The following SLC14A2 variants were observed in gnomAD, a reference collection of about 807,000 sequenced individuals.
SLC14A2 encodes solute carrier family 14 member 2.
Under a neutral mutation model 104.6 loss-of-function variants are expected in SLC14A2, and 91 were observed. The ratio of observed to expected loss-of-function variants is 0.87; its 90% CI spans 0.73 to 1.04. The LOEUF (loss-of-function observed/expected upper bound fraction) is 1.04. Ranked by LOEUF, SLC14A2 falls within the 50% of genes least tolerant of loss-of-function variation. SLC14A2 has a pLI of 0.00. For missense variants in SLC14A2, 1,189 were observed against 1,156.0 expected (o/e 1.03, Z -0.41); for synonymous variants, 476 against 466.4 (o/e 1.02, Z -0.27).
intron 2 of SLC14A2, among the ~76,000 whole-genome samples, chr18:45,501,761 G>A (rs527739233): frequency 6.6e-5 from 10 of 152,328 alleles, no homozygotes; most frequent in Admixed American, 2.0e-4. Flanking sequence ...CCGGATCAGA[G>A]TGGTCCCAGA....
At chr18:45,402,998 T>C (rs985405241) in intron 1 of SLC14A2, among the ~76,000 whole-genome samples, 2 of 152,244 alleles carry the variant, frequency 1.3e-5, no homozygotes, top group Non-Finnish European at 2.9e-5. Flanking sequence ...GATGTACTGA[T>C]CTGCTAGAGC....
chr18:45,177,022 A>G, the SLC14A2 span, among the ~76,000 whole-genome samples: 1 of 152,062 alleles, frequency 6.6e-6, no homozygotes, highest in Non-Finnish European at 1.5e-5. Flanking sequence ...TTCCTTCCAA[A>G]ACTATTTTTT....
At chr18:45,603,022 A>G (rs1291044497) in intron 2 of SLC14A2, among the ~76,000 whole-genome samples, 1 of 152,250 alleles carries the variant, frequency 6.6e-6, no homozygotes, top group African/African-American at 2.4e-5. Context: ...AAAAAAGTAC[A>G]TTTTGTCAAA....
intron 1 of SLC14A2, among the ~76,000 whole-genome samples, chr18:45,290,165 T>C (rs892426439): frequency 4.6e-5 from 7 of 152,180 alleles, no homozygotes; most frequent in Non-Finnish European, 1.0e-4. Context: ...CACAAGTATA[T>C]TGCGTGACAC....
intron 8 of SLC14A2, 113 bp downstream of exon 8, chr18:45,641,456 C>CCAAT: frequency 8.0e-7 from 1 of 1,254,486 alleles, no homozygotes; most frequent in Non-Finnish European, 1.1e-6. Flanking sequence ...GACAGAAAGG[C>CCAAT]CAATGGCTTG....
intron 1 of SLC14A2, among the ~76,000 whole-genome samples, chr18:45,309,672 T>G (rs1445986837): frequency 1.3e-5 from 2 of 152,170 alleles, no homozygotes; most frequent in African/African-American, 4.8e-5. Flanking sequence ...ATTAGTTTTC[T>G]TTTTTAAAAA....
At chr18:45,211,409 A>G (rs2083960106), upstream of SLC14A2, among the ~76,000 whole-genome samples, 1 of 152,220 alleles carries the variant, frequency 6.6e-6, no homozygotes, top group African/African-American at 2.4e-5. Context: ...AAATAGAATG[A>G]TCTGCAGTGT....
intron 1 of SLC14A2, among the ~76,000 whole-genome samples, chr18:45,407,407 T>A (rs1446417378): frequency 1.3e-5 from 2 of 152,222 alleles, no homozygotes; most frequent in Non-Finnish European, 2.9e-5. Context: ...CTTAAGGGAA[T>A]GTTGTGGCTG....
At chr18:45,173,235 T>C in the SLC14A2 span, among the ~76,000 whole-genome samples, 1 of 152,134 alleles carries the variant, frequency 6.6e-6, no homozygotes, top group African/African-American at 2.4e-5. Flanking sequence ...CTTCCATCTC[T>C]AAGATTCTGT....
chr18:45,313,359 G>A (rs756220900), intron 1 of SLC14A2, among the ~76,000 whole-genome samples: 7 of 152,164 alleles, frequency 4.6e-5, no homozygotes, highest in Non-Finnish European at 1.0e-4. Context: ...CATGACTGCA[G>A]GGCCTGAGAC....
At chr18:45,446,082 C>G (rs915140191) in intron 1 of SLC14A2, among the ~76,000 whole-genome samples, 8 of 152,194 alleles carry the variant, frequency 5.3e-5, no homozygotes, top group African/African-American at 1.9e-4. Flanking sequence ...ATGATATTTA[C>G]CTCTTGCTGT....
At chr18:45,189,846 A>G in the SLC14A2 span, among the ~76,000 whole-genome samples, 1 of 152,170 alleles carries the variant, frequency 6.6e-6, no homozygotes, top group African/African-American at 2.4e-5. Context: ...AAGAGCCAGG[A>G]GTATGTGTGT....
rs570730451 is a variant in SLC14A2, at chr18:45,378,763, C to CTGTTGT, written c.-124-104453_-124-104448dup. Among the ~76,000 whole-genome samples the CTGTTGT allele has an allele frequency of 3.0e-3, 457 of 152,060 alleles. 7 individuals are homozygous for CTGTTGT. Among genetic ancestry groups the CTGTTGT allele is most frequent in the African/African-American group, 0.011 (436 of 41,436 alleles). ...CAATGCATTTTGTTTCTGATCATTG[C>CTGTTGT]TGTTGTTGTTGTTGTTGTTGTTTTG... On this transcript the variant is annotated intron_variant, in intron 1 of 20. Coordinates refer to the SLC14A2 transcript ENST00000586448.
chr18:45,350,120 G>C (rs1443456287), intron 1 of SLC14A2, among the ~76,000 whole-genome samples: 1 of 152,244 alleles, frequency 6.6e-6, no homozygotes, highest in Admixed American at 6.5e-5. Flanking sequence ...CAGTGAGTGA[G>C]ACTGACAGCT....
At chr18:45,544,392 T>G (rs1257176070) in intron 2 of SLC14A2, among the ~76,000 whole-genome samples, 1 of 152,220 alleles carries the variant, frequency 6.6e-6, no homozygotes, top group East Asian at 1.9e-4. Flanking sequence ...TCTCTCCCAC[T>G]CATTAAGTGT....
At chr18:45,480,947 T>TA in intron 1 of SLC14A2, among the ~76,000 whole-genome samples, 1 of 150,592 alleles carries the variant, frequency 6.6e-6, no homozygotes, top group East Asian at 2.0e-4. Context: ...ATATATATAT[T>TA]AAGACTCACT....
chr18:45,377,150 C>G, intron 1 of SLC14A2, among the ~76,000 whole-genome samples: 1 of 152,146 alleles, frequency 6.6e-6, no homozygotes, highest in Non-Finnish European at 1.5e-5. Flanking sequence ...TTTCTCATTC[C>G]TGGTCCTGTG....
chr18:45,392,025 A>T (rs918942351), intron 1 of SLC14A2, among the ~76,000 whole-genome samples: 3 of 152,178 alleles, frequency 2.0e-5, no homozygotes, highest in African/African-American at 7.2e-5. Flanking sequence ...GAGACACTCA[A>T]TATTGTTATA....
chr18:45,313,716 G>C (rs1020594153), intron 1 of SLC14A2, among the ~76,000 whole-genome samples: 3 of 152,150 alleles, frequency 2.0e-5, no homozygotes, highest in Non-Finnish European at 1.5e-5. Flanking sequence ...AAAGTGCTTA[G>C]AACAGTGCCT....
Sources: gnomAD v4.1 joint callset for allele counts (sites outside exome capture counted in the v4.1 genomes callset) on GRCh38, gnomAD v4.1.1 for gene constraint, MANE v1.5 for transcripts, NCBI Gene and HGNC (gene_info 2026-07-23, HGNC 2026-07-21) for gene names.